The following CPZ variants were observed in gnomAD, a reference collection of about 807,000 sequenced individuals.
CPZ encodes the protein carboxypeptidase Z.
CPZ carries 103 observed loss-of-function variants against 61.8 expected under a neutral mutation model. The ratio of observed to expected loss-of-function variants is 1.67; its 90% CI spans 1.42 to 1.96. CPZ has a LOEUF of 1.96. Ranked by LOEUF, CPZ falls within the 30% of genes most tolerant of loss-of-function variation. The probability of loss-of-function intolerance (pLI) is 0.00; values close to 1 mark genes in which losing one functional copy is unlikely to be tolerated. For synonymous variants in CPZ, 551 were observed against 373.7 expected (o/e 1.47, Z -5.47); for missense variants, 1,461 against 914.9 (o/e 1.60, Z -7.70).
Position 8,601,281 on chromosome 4 carries a change from A to C in CPZ, c.280A>C (p.Asn94His). 2 of 1,613,472 alleles carry C rather than the reference A, an allele frequency of 1.2e-6. No homozygotes were observed. Among genetic ancestry groups the C allele is most frequent in the Non-Finnish European group, 1.7e-6 (2 of 1,179,834 alleles). ...VLHQLLEGQC[N>H]PDLRLLGCAV... is the part of the protein sequence containing the mutation. ...ACACCAGCTCCTGGAAGGCCAGTGC[A>C]ACCCGGACCTGCGGCTGCTGGGCTG... Residue 94 changes from asparagine (N) to histidine (H), a missense_variant, in exon 3 of 11, where the codon AAC (asparagine) becomes CAC (histidine). Asn to His is a moderately conservative substitution (Grantham distance 68). Transcript: ENST00000360986.
chr4:8,593,655 G>A (rs1713962711), intron 1 of CPZ, among the ~76,000 whole-genome samples: 1 of 152,124 alleles, frequency 6.6e-6, no homozygotes, highest in East Asian at 1.9e-4. Context: ...CTGCGGGAGT[G>A]GGGCCGTGTG....
In CPZ at chr4:8,619,728, T is replaced by G. The variant is rs1716528773; in HGVS notation, c.*111T>G. 1 of 827,976 alleles carries G rather than the reference T, an allele frequency of 1.2e-6. No individual in the cohort carries two copies. Among genetic ancestry groups the G allele is most frequent in the African/African-American group, 1.7e-5 (1 of 57,334 alleles). The allele number at this position is 827,976 out of a possible 1,614,324, so 51.3% of individuals were successfully genotyped here. A position where few individuals can be genotyped will look rare whatever the true frequency, so the allele number is the denominator to read the frequency against. Reference sequence around the variant, plus strand: ...GACATCCCACAAAGCCGCTGCCATTTTATTAAAGTGTTTTGATCCACTTTG... The same window carrying G: ...GACATCCCACAAAGCCGCTGCCATTGTATTAAAGTGTTTTGATCCACTTTG... On this transcript the variant is annotated 3_prime_UTR_variant, in exon 11 of 11. Transcript: ENST00000360986.
chr4:8,617,414 G>A (rs1014641987), intron 9 of CPZ, among the ~76,000 whole-genome samples: 2 of 152,190 alleles, frequency 1.3e-5, no homozygotes, highest in Non-Finnish European at 2.9e-5. Context: ...CTGTTGCCAG[G>A]GCTGCTTCCT....
At chr4:8,609,028 T>C (rs78973440) in intron 7 of CPZ, among the ~76,000 whole-genome samples, 3 of 106,690 alleles carry the variant, frequency 2.8e-5, no homozygotes, top group East Asian at 3.4e-4. Context: ...AACTCACTCC[T>C]TCACTCACCC....
chr4:8,615,567 CCGGTTCTGACACCAGGCCGGGCGGCAGA>C (rs1716094205), intron 9 of CPZ, among the ~76,000 whole-genome samples: 1 of 152,230 alleles, frequency 6.6e-6, no homozygotes, highest in Admixed American at 6.5e-5. Context: ...CACAGGGCAG[CCGGTTCTGACACCAGGCCGGGCGGCAGA>C]CGGGGCCGTC....
At chr4:8,593,467 C>G (rs1713949984) in intron 1 of CPZ, among the ~76,000 whole-genome samples, 2 of 152,298 alleles carry the variant, frequency 1.3e-5, no homozygotes, top group African/African-American at 4.8e-5. Flanking sequence ...CAGGGATCCT[C>G]TGGGAGGTCT....
intron 7 of CPZ, among the ~76,000 whole-genome samples, chr4:8,610,493 G>A (rs537119533): frequency 6.6e-6 from 1 of 152,276 alleles, no homozygotes; most frequent in African/African-American, 2.4e-5. Context: ...TGACACGGTG[G>A]GTTGGGTCAG....
chr4:8,613,102 G>A (rs75275067), intron 8 of CPZ, among the ~76,000 whole-genome samples: 3,668 of 151,396 alleles, frequency 0.024, 83 homozygotes, highest in South Asian at 0.13. Flanking sequence ...AGACACCCAC[G>A]AGCAGAGCTG....
At chr4:8,593,022 G>T in intron 1 of CPZ, 101 bp downstream of exon 1, 2 of 907,366 alleles carry the variant, frequency 2.2e-6, no homozygotes, top group Non-Finnish European at 3.3e-6. Context: ...CTTCCAGTAG[G>T]TCACGCGCCT....
chr4:8,611,134 T>C (rs1715639481), intron 7 of CPZ: 1 of 433,568 alleles, frequency 2.3e-6, no homozygotes, highest in African/African-American at 2.0e-5. Flanking sequence ...GTCCACCCTC[T>C]AGTGTCCTCC....
intron 7 of CPZ, among the ~76,000 whole-genome samples, chr4:8,608,556 T>C (rs770739920): frequency 2.0e-5 from 3 of 151,970 alleles, no homozygotes; most frequent in Non-Finnish European, 4.4e-5. Context: ...GTCCCTGCGC[T>C]GGGGGTCCTC....
At chr4:8,603,655 G>C in intron 3 of CPZ, 2 of 391,020 alleles carry the variant, frequency 5.1e-6, no homozygotes, top group Non-Finnish European at 9.2e-6. Flanking sequence ...GTTTGCCTTG[G>C]GGGGTCCAGG....
intron 7 of CPZ, among the ~76,000 whole-genome samples, chr4:8,609,078 A>ACTCT (rs1715324595): frequency 5.6e-5 from 1 of 17,822 alleles, no homozygotes; most frequent in African/African-American, 1.5e-4. Flanking sequence ...CTCACCACTC[A>ACTCT]TACATTCACC....
intron 2 of CPZ, among the ~76,000 whole-genome samples, chr4:8,600,506 G>C (rs1714494876): frequency 6.6e-6 from 1 of 152,210 alleles, no homozygotes; most frequent in South Asian, 2.1e-4. Context: ...GCCGATGAGG[G>C]CCTTAAAGAT....
chr4:8,619,022 G>T (rs180858459), intron 10 of CPZ, among the ~76,000 whole-genome samples: 1 of 152,256 alleles, frequency 6.6e-6, no homozygotes, highest in Non-Finnish European at 1.5e-5. Context: ...TGGGTATGGG[G>T]GGTGGGAGTG....
At chr4:8,612,557 G>A (rs1380801799) in intron 8 of CPZ, among the ~76,000 whole-genome samples, 3 of 152,226 alleles carry the variant, frequency 2.0e-5, no homozygotes, top group Non-Finnish European at 4.4e-5. Context: ...GTTCCAATGC[G>A]TGGGATATGC....
intron 9 of CPZ, among the ~76,000 whole-genome samples, chr4:8,615,651 C>T (rs1364538269): frequency 6.6e-6 from 1 of 152,156 alleles, no homozygotes; most frequent in African/African-American, 2.4e-5. Flanking sequence ...GTCTCTGGGC[C>T]ACACACAGGC....
At chr4:8,598,483 C>G (rs1330040625) in intron 1 of CPZ, among the ~76,000 whole-genome samples, 1 of 152,242 alleles carries the variant, frequency 6.6e-6, no homozygotes, top group Non-Finnish European at 1.5e-5. Context: ...GCCTTTTCCT[C>G]TGCTCCAGCC....
chr4:8,619,523 G>A lies in CPZ; in HGVS notation c.1865G>A (p.Arg622His), dbSNP rs144042196. The change falls in exon 11 of 11, where the codon CGC becomes CAC. Residue 622 changes from arginine to histidine, a missense_variant. Physicochemically the swap from Arg to His is conservative, Grantham distance 29. Coordinates refer to ENST00000360986, the MANE Select transcript of CPZ (RefSeq NM_001014447.3). ...EATEPDPLRA[R>H]RQPSADGSKP... ...ACGGAGCCCGACCCGCTCCGGGCGCGCAGGCAGCCCTCGGCCGACGGGAGT... is the reference window on the plus strand; with the variant it reads ...ACGGAGCCCGACCCGCTCCGGGCGCACAGGCAGCCCTCGGCCGACGGGAGT... 73 of 1,592,598 alleles carry A rather than the reference G, an allele frequency of 4.6e-5. No individual in the cohort carries two copies. The highest frequency in any genetic ancestry group is 2.0e-4 in the East Asian group (9 of 44,532).
Sources: gnomAD v4.1 joint callset for allele counts (sites outside exome capture counted in the v4.1 genomes callset) on GRCh38, gnomAD v4.1.1 for gene constraint, MANE v1.5 for transcripts, NCBI Gene and HGNC (gene_info 2026-07-23, HGNC 2026-07-21) for gene names.